EIF4G3: variants seen among roughly 807,000 people sequenced by gnomAD.
EIF4G3 encodes eukaryotic translation initiation factor 4 gamma 3.
EIF4G3 carries 34 observed loss-of-function variants against 186.4 expected under a neutral mutation model. The observed-to-expected ratio is 0.18, with a 90% CI of 0.14 to 0.24. The LOEUF (loss-of-function observed/expected upper bound fraction) is 0.24. Among genes scored for constraint, EIF4G3 ranks in the 10% least tolerant of loss-of-function variants. The pLI, the probability that EIF4G3 is intolerant of heterozygous loss-of-function variation, is 1.00. For missense variants in EIF4G3, 1,536 were observed against 1,948.5 expected, an observed-to-expected ratio of 0.79 and a Z score of 3.99; for synonymous variants, 673 against 679.5, an observed-to-expected ratio of 0.99 and a Z score of 0.15.
intron 2 of EIF4G3, among the ~76,000 whole-genome samples, chr1:21,136,884 C>A (rs1251717688): frequency 6.6e-6 from 1 of 152,104 alleles, no homozygotes; most frequent in Non-Finnish European, 1.5e-5. Flanking sequence ...TGAAATCTGG[C>A]TAGTGCAAGA....
At chr1:20,931,278 C>G (rs757593124) in intron 14 of EIF4G3, among the ~76,000 whole-genome samples, 2 of 152,062 alleles carry the variant, frequency 1.3e-5, no homozygotes, top group Non-Finnish European at 2.9e-5. Context: ...AATAACAAGG[C>G]TTGAAAGTCA....
intron 13 of EIF4G3, among the ~76,000 whole-genome samples, chr1:20,947,746 A>G (rs2096031054): frequency 6.6e-6 from 1 of 152,186 alleles, no homozygotes; most frequent in African/African-American, 2.4e-5. Flanking sequence ...AAATACTACA[A>G]GTTTTTCTTT....
At chr1:20,959,693 A>ATAC (rs2096528619) in intron 12 of EIF4G3, among the ~76,000 whole-genome samples, 1 of 135,518 alleles carries the variant, frequency 7.4e-6, no homozygotes, top group Non-Finnish European at 1.6e-5. Flanking sequence ...AATAATAATA[A>ATAC]TAATCCCATC....
chr1:21,118,785 CAAAAA>C (rs796933675), intron 2 of EIF4G3, among the ~76,000 whole-genome samples: 1 of 86,280 alleles, frequency 1.2e-5, no homozygotes, highest in Non-Finnish European at 2.4e-5. Context: ...GACTACATCT[CAAAAA>C]AAAAAAAAAA....
At chr1:21,104,872 C>G (rs1437891824) in intron 2 of EIF4G3, among the ~76,000 whole-genome samples, 1 of 151,816 alleles carries the variant, frequency 6.6e-6, no homozygotes, top group African/African-American at 2.4e-5. Flanking sequence ...TGAAATACTA[C>G]ACGCCCATAA....
intron 7 of EIF4G3, among the ~76,000 whole-genome samples, chr1:20,996,879 A>C (rs763237966): frequency 3.9e-5 from 6 of 152,184 alleles, no homozygotes; most frequent in Non-Finnish European, 8.8e-5. Context: ...AATACCCCAT[A>C]AAAAGCTACT....
chr1:20,835,944 A>G (rs567849717), intron 30 of EIF4G3, among the ~76,000 whole-genome samples: 7 of 150,066 alleles, frequency 4.7e-5, no homozygotes, highest in South Asian at 2.1e-4. Context: ...CTCAGAGAGA[A>G]AAAAAAAAAA....
At chr1:21,153,647 C>T (rs2097584510) in intron 2 of EIF4G3, among the ~76,000 whole-genome samples, 1 of 152,130 alleles carries the variant, frequency 6.6e-6, no homozygotes. Flanking sequence ...TCAGGGGAAC[C>T]TCCGCCTCCC....
intron 18 of EIF4G3, among the ~76,000 whole-genome samples, chr1:20,892,228 C>G (rs2086316975): frequency 1.3e-5 from 2 of 152,202 alleles, no homozygotes; most frequent in South Asian, 4.1e-4. Flanking sequence ...ACACGGTTAT[C>G]TGCAAATGTA....
At chr1:20,937,925 G>A (rs1382988738) in intron 14 of EIF4G3, among the ~76,000 whole-genome samples, 1 of 152,092 alleles carries the variant, frequency 6.6e-6, no homozygotes, top group Non-Finnish European at 1.5e-5. Context: ...AGGCTTTTCA[G>A]AGTACACTGA....
chr1:20,894,469 T>A lies in EIF4G3; in HGVS notation c.2134-833A>T, dbSNP rs75900433. The stretch of plus-strand genomic sequence containing the variant: ...AAGAAGACCTGTTGCTATAAGAAAG[T>A]AAAATAGTATAAATGAGTTCTGGAT... On this transcript the variant is annotated intron_variant, in intron 17 of 36. Coordinates refer to ENST00000602326, the MANE Select transcript of EIF4G3 (RefSeq NM_001391906.1). Among the ~76,000 whole-genome samples, 847 of 152,282 alleles carry A rather than the reference T, an allele frequency of 5.6e-3. 3 individuals are homozygous for A. The highest frequency in any genetic ancestry group is 9.6e-3 in the Non-Finnish European group (653 of 68,022).
In EIF4G3 at chr1:20,974,875, G is replaced by A. The variant is rs572696013; in HGVS notation, c.494-1776C>T. On this transcript the variant is annotated intron_variant, in intron 10 of 36. Transcript: ENST00000602326. The stretch of plus-strand genomic sequence containing the variant: ...ATAGAACATGGATAATTGATTCACC[G>A]TAACAAGAAGGAAAAAAATATGTAC... Among the ~76,000 whole-genome samples, 7 of 152,210 alleles carry A rather than the reference G, an allele frequency of 4.6e-5. No homozygotes were observed. In the East Asian group the frequency reaches 9.7e-4, roughly 21 times the overall value.
At chr1:21,055,696 T>C (rs1267265651) in intron 3 of EIF4G3, among the ~76,000 whole-genome samples, 1 of 152,010 alleles carries the variant, frequency 6.6e-6, no homozygotes, top group East Asian at 1.9e-4. Context: ...CTTAAAGATA[T>C]ATCCAGTGCA....
chr1:20,842,300 CTT>C (rs997526209), intron 29 of EIF4G3, among the ~76,000 whole-genome samples: 42 of 152,238 alleles, frequency 2.8e-4, no homozygotes, highest in African/African-American at 9.6e-4. Flanking sequence ...TAAAATCGTC[CTT>C]TCTCTTTTTT....
intron 4 of EIF4G3, among the ~76,000 whole-genome samples, chr1:21,050,115 T>C (rs2154576511): frequency 6.6e-6 from 1 of 152,324 alleles, no homozygotes; most frequent in South Asian, 2.1e-4. Context: ...ATGTAAATAC[T>C]GATAATCTCA....
intron 4 of EIF4G3, among the ~76,000 whole-genome samples, chr1:21,021,856 C>G (rs1236947746): frequency 6.6e-6 from 1 of 152,072 alleles, no homozygotes; most frequent in African/African-American, 2.4e-5. Context: ...GTGCCCGGCT[C>G]TGACATATTT....
intron 7 of EIF4G3, among the ~76,000 whole-genome samples, chr1:20,989,903 G>A (rs2080678089): frequency 6.6e-6 from 1 of 152,132 alleles, no homozygotes; most frequent in Non-Finnish European, 1.5e-5. Context: ...CTGGCCGGGT[G>A]CAGTAGCTCA....
chr1:20,982,147 G>T (rs1004003632), intron 8 of EIF4G3, among the ~76,000 whole-genome samples: 1 of 152,176 alleles, frequency 6.6e-6, no homozygotes, highest in South Asian at 2.1e-4. Context: ...AGAATAGTTT[G>T]CAATAAAAGT....
chr1:21,062,506 A>G (rs2094970937), intron 3 of EIF4G3, among the ~76,000 whole-genome samples: 1 of 152,260 alleles, frequency 6.6e-6, no homozygotes, highest in Admixed American at 6.5e-5. Flanking sequence ...CAATGTCAGT[A>G]GTCTCAGGAT....
Sources: gnomAD v4.1 joint callset for allele counts (sites outside exome capture counted in the v4.1 genomes callset) on GRCh38, gnomAD v4.1.1 for gene constraint, MANE v1.5 for transcripts, NCBI Gene and HGNC (gene_info 2026-07-23, HGNC 2026-07-21) for gene names.